Variants in PARD3 observed in about 807,000 individuals in gnomAD.
PARD3 encodes par-3 family cell polarity regulator.
PARD3 carries 75 observed loss-of-function variants against 155.4 expected under a neutral mutation model. That is an observed-to-expected ratio of 0.48 (90% CI 0.40 to 0.58). The LOEUF is 0.58. Among genes scored for constraint, PARD3 ranks in the 20% least tolerant of loss-of-function variants. The probability of loss-of-function intolerance (pLI) is 0.00; values close to 1 mark genes in which losing one functional copy is unlikely to be tolerated. For synonymous variants in PARD3, 576 were observed against 610.5 expected (o/e 0.94, Z 0.83); for missense variants, 1,642 against 1,721.7 (o/e 0.95, Z 0.82).
At chr10:34,666,113 G>GGAAGGCT (rs1371560637) in intron 2 of PARD3, among the ~76,000 whole-genome samples, 2 of 151,764 alleles carry the variant, frequency 1.3e-5, no homozygotes, top group Non-Finnish European at 2.9e-5. Context: ...CCAGCTACTT[G>GGAAGGCT]GAAGGCTGAA....
intron 3 of PARD3, among the ~76,000 whole-genome samples, chr10:34,516,206 C>A (rs2081752152): frequency 6.6e-6 from 1 of 152,124 alleles, no homozygotes; most frequent in South Asian, 2.1e-4. Context: ...CTCAGGTGAT[C>A]CGCCCACCTC....
chr10:34,137,074 T>A (rs1194666087), intron 22 of PARD3, among the ~76,000 whole-genome samples: 1 of 152,208 alleles, frequency 6.6e-6, no homozygotes, highest in African/African-American at 2.4e-5. Flanking sequence ...TACCCTTGAA[T>A]GTGGACAGAA....
chr10:34,217,274 T>C (rs1952044829), intron 22 of PARD3, among the ~76,000 whole-genome samples: 1 of 152,112 alleles, frequency 6.6e-6, no homozygotes, highest in African/African-American at 2.4e-5. Context: ...AACTAGATCG[T>C]ACACGTCATC....
chr10:34,545,007 A>T (rs1421716768), intron 2 of PARD3, among the ~76,000 whole-genome samples: 1 of 152,172 alleles, frequency 6.6e-6, no homozygotes, highest in East Asian at 1.9e-4. Flanking sequence ...ATAAATTGCC[A>T]AAGAATTTAG....
At chr10:34,722,563 T>C (rs1022678712) in intron 1 of PARD3, among the ~76,000 whole-genome samples, 1 of 152,142 alleles carries the variant, frequency 6.6e-6, no homozygotes, top group African/African-American at 2.4e-5. Flanking sequence ...TTCAGCACGG[T>C]ACTCCCTGGG....
At chr10:34,368,071 G>A (rs1032233156) in intron 12 of PARD3, among the ~76,000 whole-genome samples, 9 of 152,134 alleles carry the variant, frequency 5.9e-5, no homozygotes, top group Admixed American at 3.3e-4. Flanking sequence ...CCAACATGGC[G>A]AAACCCCGTT....
intron 9 of PARD3, among the ~76,000 whole-genome samples, chr10:34,378,570 T>C (rs1480581969): frequency 2.0e-5 from 3 of 152,172 alleles, no homozygotes; most frequent in East Asian, 1.9e-4. Flanking sequence ...AACAGTGAAA[T>C]GAGAGGTATC....
chr10:34,699,452 T>C (rs918775900), intron 1 of PARD3, among the ~76,000 whole-genome samples: 5 of 152,230 alleles, frequency 3.3e-5, no homozygotes, highest in Non-Finnish European at 7.3e-5. Flanking sequence ...CAGTGGTCTC[T>C]TGGGAAATTT....
At chr10:34,790,483 T>C (rs1372166944) in intron 1 of PARD3, among the ~76,000 whole-genome samples, 1 of 152,214 alleles carries the variant, frequency 6.6e-6, no homozygotes, top group Non-Finnish European at 1.5e-5. Flanking sequence ...AAGCCCAGAC[T>C]GAAATCCTCC....
chr10:34,663,265 A>C (rs1438108429), intron 2 of PARD3, among the ~76,000 whole-genome samples: 1 of 152,114 alleles, frequency 6.6e-6, no homozygotes, highest in Non-Finnish European at 1.5e-5. Context: ...GGAGTTCAAG[A>C]CCAGCCCGGG....
chr10:34,604,101 G>A (rs187482037), intron 2 of PARD3, among the ~76,000 whole-genome samples: 2 of 152,282 alleles, frequency 1.3e-5, no homozygotes, highest in East Asian at 3.9e-4. Flanking sequence ...GCAAATGTCC[G>A]AGTGAAACAA....
chr10:34,317,215 T>C lies in PARD3; in HGVS notation c.2957A>G (p.Asp986Gly). Residue 986 changes from aspartate (D) to glycine (G), a missense_variant, in exon 20 of 25, where the codon GAT (aspartate) becomes GGT (glycine). Asp to Gly is a moderately conservative substitution (Grantham distance 94, BLOSUM62 -1). Around this residue, in one of 3 missense-constraint regions of PARD3, gnomAD observed 1,529 missense variants for 1,587.3 expected, o/e 0.96. Transcript: ENST00000374788. Reference protein sequence around the residue: ...NGNQEKGDKTDRKKDKTGKEK... With the variant: ...NGNQEKGDKTGRKKDKTGKEK... ...TTTTCCAGTTTTATCCTTTTTTCTATCAGTCTTATCACCTTTCTCTTGGTT... is the reference window on the plus strand; with the variant it reads ...TTTTCCAGTTTTATCCTTTTTTCTACCAGTCTTATCACCTTTCTCTTGGTT... The C allele has an allele frequency of 6.2e-7, 1 of 1,613,930 alleles. No homozygotes were observed. The highest frequency in any genetic ancestry group is 8.5e-7 in the Non-Finnish European group (1 of 1,179,998).
chr10:34,604,462 A>G (rs2090052819), intron 2 of PARD3, among the ~76,000 whole-genome samples: 2 of 152,036 alleles, frequency 1.3e-5, no homozygotes, highest in East Asian at 3.9e-4. Flanking sequence ...ATCAGACTCC[A>G]AGATCTTCCG....
chr10:34,467,468 G>A lies in PARD3; in HGVS notation c.582+2617C>T, dbSNP rs145879918. On this transcript the variant is annotated intron_variant, in intron 4 of 24. Transcript: ENST00000374788. The stretch of plus-strand genomic sequence containing the variant: ...AGTAGCATGTCATTTAAAACAACAG[G>A]CTGGGCATGGTGGCTCATGTCTGTA... 7.9e-5 allele frequency among the ~76,000 whole-genome samples: 12 copies of A among 152,034 alleles called. No homozygotes were observed. In the East Asian group the frequency reaches 2.3e-3, roughly 29 times the overall value.
chr10:34,576,858 T>C (rs1590081622), intron 2 of PARD3, among the ~76,000 whole-genome samples: 1 of 152,172 alleles, frequency 6.6e-6, no homozygotes, highest in Non-Finnish European at 1.5e-5. Context: ...TGCATAAAAA[T>C]GAAAGGAAAT....
At chr10:34,125,598 T>A (rs549430094) in intron 23 of PARD3, among the ~76,000 whole-genome samples, 1 of 152,220 alleles carries the variant, frequency 6.6e-6, no homozygotes, top group Non-Finnish European at 1.5e-5. Flanking sequence ...AGTGGCTGTG[T>A]GCTATGACTG....
At chr10:34,316,899 A>G (rs568572060) in intron 20 of PARD3, among the ~76,000 whole-genome samples, 6 of 152,192 alleles carry the variant, frequency 3.9e-5, no homozygotes, top group African/African-American at 1.4e-4. Context: ...GCTTTTATTT[A>G]TTTATTTATT....
chr10:34,118,499 C>A (rs1255486286), intron 24 of PARD3, among the ~76,000 whole-genome samples: 1 of 152,188 alleles, frequency 6.6e-6, no homozygotes, highest in Non-Finnish European at 1.5e-5. Flanking sequence ...CATGTGCCAC[C>A]AAGCCCAGCT....
At position 34,359,189 on chromosome 10, in the gene PARD3, C is replaced by T; in HGVS notation, c.2025G>A (p.Met675Ile). ...SMSTEGNKRG[M>I]IQLIVARRIS... The stretch of plus-strand genomic sequence containing the variant: ...TTCTCCTTGCAACAATAAGCTGGAT[C>T]ATTCCTCGTTTATTGCCTTCAGTAG... Residue 675 changes from methionine (M) to isoleucine (I), a missense_variant, in exon 14 of 25, where the codon ATG becomes ATA. Coordinates refer to ENST00000374788, the MANE Select transcript of PARD3 (RefSeq NM_001184785.2). 6.2e-7 allele frequency: 1 copy of T among 1,613,970 alleles called. No homozygotes were observed. Among genetic ancestry groups the T allele is most frequent in the Non-Finnish European group, 8.5e-7 (1 of 1,179,908 alleles).
Sources: gnomAD v4.1 joint callset for allele counts (sites outside exome capture counted in the v4.1 genomes callset) on GRCh38, gnomAD v4.1.1 for gene constraint, gnomAD v4.1.1 regional missense constraint, MANE v1.5 for transcripts, NCBI Gene and HGNC (gene_info 2026-07-23, HGNC 2026-07-21) for gene names.